Variants in CADPS2 observed in about 807,000 individuals in gnomAD.
The protein encoded by CADPS2 is calcium dependent secretion activator 2.
A neutral mutation model predicts 172.5 loss-of-function variants in CADPS2; 93 were observed. The observed-to-expected ratio is 0.54, with a 90% confidence interval of 0.46 to 0.64. The LOEUF (loss-of-function observed/expected upper bound fraction) is 0.64. CADPS2 is among the 30% of genes least tolerant of loss of function. The pLI is 0.00. For missense variants in CADPS2, 1,420 were observed against 1,565.9 expected (o/e 0.91, Z 1.57); for synonymous variants, 546 against 555.2 (o/e 0.98, Z 0.23).
intron 8 of CADPS2, among the ~76,000 whole-genome samples, chr7:122,518,116 C>G (rs896256158): frequency 2.0e-5 from 3 of 151,814 alleles, no homozygotes; most frequent in Non-Finnish European, 4.4e-5. Flanking sequence ...ATTACATTTA[C>G]AGGTTCCAGT....
intron 17 of CADPS2, among the ~76,000 whole-genome samples, chr7:122,421,469 G>C (rs1277675604): frequency 6.6e-6 from 1 of 152,142 alleles, no homozygotes; most frequent in Non-Finnish European, 1.5e-5. Flanking sequence ...ATGATGATCA[G>C]CTAGGGAGCA....
intron 6 of CADPS2, among the ~76,000 whole-genome samples, chr7:122,613,500 A>T (rs2074532236): frequency 6.6e-6 from 1 of 152,160 alleles, no homozygotes. Flanking sequence ...ATGATGTTCA[A>T]CAAAATCACC....
At chr7:122,449,510 TG>T (rs2052766296) in intron 15 of CADPS2, among the ~76,000 whole-genome samples, 3 of 152,000 alleles carry the variant, frequency 2.0e-5, no homozygotes, top group Non-Finnish European at 4.4e-5. Flanking sequence ...TTTGTAGAGA[TG>T]GGGTCTCGCT....
At chr7:122,648,365 C>G (rs1175452861) in intron 3 of CADPS2, among the ~76,000 whole-genome samples, 1 of 152,056 alleles carries the variant, frequency 6.6e-6, no homozygotes, top group Non-Finnish European at 1.5e-5. Context: ...AAAATTTAAA[C>G]AGATTAAAAT....
chr7:122,574,790 T>G (rs542406021), intron 7 of CADPS2, among the ~76,000 whole-genome samples: 51 of 152,130 alleles, frequency 3.4e-4, no homozygotes, highest in Non-Finnish European at 6.5e-4. Context: ...AACACACAAA[T>G]TTTTTTTAAA....
chr7:122,503,060 C>T (rs552912692), intron 9 of CADPS2, among the ~76,000 whole-genome samples: 1 of 137,028 alleles, frequency 7.3e-6, no homozygotes, highest in East Asian at 2.1e-4. Context: ...GAGACGGGGT[C>T]TCGCTCTGTC....
intron 3 of CADPS2, among the ~76,000 whole-genome samples, chr7:122,640,509 A>C (rs1360772782): frequency 7.3e-5 from 11 of 151,288 alleles, no homozygotes; most frequent in Admixed American, 4.6e-4. Flanking sequence ...AGAGAGAGAG[A>C]GAGAAAAAAA....
intron 20 of CADPS2, among the ~76,000 whole-genome samples, chr7:122,402,798 T>G (rs141150798): frequency 6.6e-6 from 1 of 152,210 alleles, no homozygotes; most frequent in Non-Finnish European, 1.5e-5. Flanking sequence ...CTGATGCCGA[T>G]GTAAGCAAGC....
chr7:122,526,908 G>A (rs1259187532), intron 8 of CADPS2, among the ~76,000 whole-genome samples: 1 of 152,206 alleles, frequency 6.6e-6, no homozygotes, highest in African/African-American at 2.4e-5. Flanking sequence ...TATCCTCATT[G>A]TCCAGCACTG....
intron 14 of CADPS2, among the ~76,000 whole-genome samples, chr7:122,465,631 C>T (rs147395440): frequency 6.6e-6 from 1 of 152,230 alleles, no homozygotes; most frequent in Non-Finnish European, 1.5e-5. Context: ...AGTTTCATCC[C>T]AAAACCATCC....
intron 3 of CADPS2, among the ~76,000 whole-genome samples, chr7:122,660,953 CA>C (rs1269123612): frequency 4.0e-5 from 6 of 151,866 alleles, no homozygotes; most frequent in African/African-American, 1.2e-4. Context: ...ACACTGTCTA[CA>C]AAACATCCAC....
intron 12 of CADPS2, among the ~76,000 whole-genome samples, chr7:122,479,085 A>T (rs2057011662): frequency 1.3e-5 from 2 of 152,182 alleles, no homozygotes. Context: ...GGATGAAAAA[A>T]GGAGGCCATT....
chr7:122,366,679 A>ATG (rs1161109035), intron 25 of CADPS2: 3 of 123,596 alleles, frequency 2.4e-5, no homozygotes, highest in African/African-American at 8.7e-5. Flanking sequence ...ATATATATAT[A>ATG]TATACGTATA....
chr7:122,489,961 T>C (rs2058141264), intron 11 of CADPS2, 120 bp downstream of exon 11: 4 of 837,248 alleles, frequency 4.8e-6, no homozygotes, highest in South Asian at 1.8e-5. Flanking sequence ...ATATGAACTA[T>C]TTTCATTTAA....
intron 1 of CADPS2, among the ~76,000 whole-genome samples, chr7:122,814,270 T>C (rs910371332): frequency 6.6e-6 from 1 of 151,870 alleles, no homozygotes; most frequent in Non-Finnish European, 1.5e-5. Flanking sequence ...AGGAGACTTA[T>C]ACTAAGCAGA....
intron 25 of CADPS2, among the ~76,000 whole-genome samples, chr7:122,365,673 T>C (rs772824967): frequency 2.0e-5 from 3 of 152,192 alleles, no homozygotes; most frequent in Non-Finnish European, 2.9e-5. Flanking sequence ...CACTGTAATC[T>C]CTTTGTTGCC....
At chr7:122,431,629 T>C (rs1378632640) in intron 17 of CADPS2, among the ~76,000 whole-genome samples, 1 of 152,170 alleles carries the variant, frequency 6.6e-6, no homozygotes, top group Non-Finnish European at 1.5e-5. Flanking sequence ...TATGGGACTG[T>C]AGACACACTA....
intron 3 of CADPS2, among the ~76,000 whole-genome samples, chr7:122,632,746 G>A (rs1027298878): frequency 1.3e-5 from 2 of 152,030 alleles, no homozygotes; most frequent in African/African-American, 4.8e-5. Flanking sequence ...TTGCTTTTGT[G>A]GACTTAGCCA....
chr7:122,418,271 T>C (rs1157976254), intron 17 of CADPS2, among the ~76,000 whole-genome samples: 1 of 152,174 alleles, frequency 6.6e-6, no homozygotes, highest in Non-Finnish European at 1.5e-5. Flanking sequence ...CCTAACAGCT[T>C]TGTTTTTTAT....
Sources: gnomAD v4.1 joint callset for allele counts (sites outside exome capture counted in the v4.1 genomes callset) on GRCh38, gnomAD v4.1.1 for gene constraint, MANE v1.5 for transcripts, NCBI Gene and HGNC (gene_info 2026-07-23, HGNC 2026-07-21) for gene names.